The following PRR14 variants were observed in gnomAD, a reference collection of about 807,000 sequenced individuals.
PRR14 encodes proline rich 14.
Under a neutral mutation model 57.2 loss-of-function variants are expected in PRR14, and 33 were observed. That is an observed-to-expected ratio of 0.58 (90% CI 0.44 to 0.77). The LOEUF is 0.77. PRR14 is among the 30% of genes least tolerant of loss of function. The probability of loss-of-function intolerance (pLI) is 0.00; values close to 1 mark genes in which losing one functional copy is unlikely to be tolerated. For missense variants in PRR14, 716 were observed against 788.1 expected (o/e 0.91, Z 1.10); for synonymous variants, 303 against 314.7 (o/e 0.96, Z 0.39).
In PRR14 at chr16:30,652,919, C is replaced by T. The variant is rs1378678654; in HGVS notation, c.320C>T (p.Pro107Leu). 4.3e-6 allele frequency: 7 copies of T among 1,613,906 alleles called. No homozygotes were observed. In the East Asian group the frequency reaches 1.6e-4, roughly 36 times the overall value. The change falls in exon 5 of 12, where the codon CCC becomes CTC. Residue 107 changes from proline to leucine, a missense_variant. Physicochemically the swap from Pro to Leu is moderately conservative, Grantham distance 98 (BLOSUM62 -3). Coordinates refer to ENST00000300835, the MANE Select transcript of PRR14 (RefSeq NM_024031.5). ...TCTTCCTGTTCCCTCGCTAGGCCTCCCGACCCTCTGTGTTTGTGTCGCGAG... is the reference window on the plus strand; with the variant it reads ...TCTTCCTGTTCCCTCGCTAGGCCTCTCGACCCTCTGTGTTTGTGTCGCGAG... ...QAGWSSQARP[P>L]DPLCLCREPL... is the part of the protein sequence containing the mutation.
At position 30,651,678 on chromosome 16, in the gene PRR14, T is replaced by C. The variant is rs566807070; in HGVS notation, c.23+10T>C. ...TGCCCGGGGACTCCAGGTGAGAGCG[T>C]ACCCGGGCGGCCCGCCTGTCTTGAC... On this transcript the variant is annotated intron_variant, in intron 2 of 11. Coordinates refer to ENST00000300835, the MANE Select transcript of PRR14 (RefSeq NM_024031.5). The surrounding 1 kb of genome is among the most constrained non-coding windows in gnomAD (Gnocchi z 5.0). 1 of 1,605,282 alleles carries C rather than the reference T, an allele frequency of 6.2e-7. No homozygotes were observed. Among genetic ancestry groups the C allele is most frequent in the South Asian group, 1.1e-5 (1 of 90,928 alleles).
At chr16:30,653,485 G>A (rs1364482466) in intron 6 of PRR14, 77 bp downstream of exon 6, 44 of 1,403,304 alleles carry the variant, frequency 3.1e-5, no homozygotes, top group African/African-American at 7.1e-5. Flanking sequence ...TAGGGGCATC[G>A]GGACTGACTG....
intron 3 of PRR14, chr16:30,652,178 G>A (rs1389120811): frequency 1.4e-5 from 9 of 640,440 alleles, no homozygotes; most frequent in Non-Finnish European, 1.7e-5. Flanking sequence ...ACGATTTTGG[G>A]CTGGAACCAC....
chr16:30,654,019 C>T, intron 6 of PRR14: 1 of 564,500 alleles, frequency 1.8e-6, no homozygotes, highest in South Asian at 2.2e-5. Flanking sequence ...GTTCTAGCCA[C>T]TTGGGAGGCT....
Position 30,655,343 on chromosome 16 carries a change from C to T in PRR14, c.1245-8C>T, listed in dbSNP as rs2052359439. The T allele has an allele frequency of 6.2e-7, 1 of 1,613,848 alleles. No individual in the cohort carries two copies. Among genetic ancestry groups the T allele is most frequent in the African/African-American group, 1.3e-5 (1 of 74,928 alleles). ...CTGTTTGTCCCTGAGCCTTGACCTT[C>T]TTGGCAGGTTGGGTTCAACCAAAGG... On this transcript the variant is annotated splice_region_variant and splice_polypyrimidine_tract_variant and intron_variant, in intron 8 of 11. Coordinates refer to ENST00000300835, the MANE Select transcript of PRR14 (RefSeq NM_024031.5). The surrounding 1 kb of genome is among the most constrained non-coding windows in gnomAD (Gnocchi z 4.6).
intron 5 of PRR14, 118 bp from the exon 6 acceptor site, chr16:30,653,247 T>C: frequency 7.2e-7 from 1 of 1,393,564 alleles, no homozygotes; most frequent in South Asian, 1.2e-5. Context: ...GAGCAAAGAC[T>C]ATATAAAAAC....
chr16:30,654,128 CAAAAAA>C, intron 6 of PRR14, 96 bp from the exon 7 acceptor site: 1 of 676,944 alleles, frequency 1.5e-6, no homozygotes, highest in Non-Finnish European at 2.5e-6. Context: ...GGCTCTGTCT[CAAAAAA>C]AAAAAAAAAG....
Position 30,652,788 on chromosome 16 carries a change from A to G in PRR14, c.260A>G (p.His87Arg). 1 of 1,613,920 alleles carries G rather than the reference A, an allele frequency of 6.2e-7. No homozygotes were observed. Among genetic ancestry groups the G allele is most frequent in the Non-Finnish European group, 8.5e-7 (1 of 1,179,986 alleles). ...QHHSYHQDPV[H>R]RQPPASPPRQ... is the part of the protein sequence containing the mutation. ...CACAGCTACCATCAGGATCCTGTCC[A>G]CAGGCAGCCGCCTGCCTCGCCACCC... is the stretch of plus-strand genomic sequence containing the variant. Residue 87 changes from histidine (H) to arginine (R), a missense_variant, in exon 4 of 12, where the codon CAC becomes CGC. By Grantham distance (29) the His-to-Arg change is conservative. Transcript: ENST00000300835.
intron 6 of PRR14, among the ~76,000 whole-genome samples, chr16:30,653,692 G>C (rs2052336209): frequency 6.6e-6 from 1 of 152,158 alleles, no homozygotes; most frequent in Non-Finnish European, 1.5e-5. Flanking sequence ...TTGAGATGGA[G>C]TTTTTGCTCT....
At chr16:30,653,539 G>C in intron 6 of PRR14, 131 bp downstream of exon 6, 1 of 958,198 alleles carries the variant, frequency 1.0e-6, no homozygotes, top group Admixed American at 2.1e-5. Context: ...TTAAGGGGCC[G>C]GGCACGCCCA....
rs374909666 is a variant in PRR14 at position 30,654,762 on chromosome 16, C to T, written c.792C>T (p.Phe264=). 98 of 1,613,184 alleles carry T rather than the reference C, an allele frequency of 6.1e-5. No homozygotes were observed. Among genetic ancestry groups the T allele is most frequent in the African/African-American group, 2.7e-5 (2 of 74,916 alleles). ...RSKLESFADI[F]LTPNKTPQPP... is the part of the protein sequence containing the mutation. ...AGCTGGAGAGCTTTGCTGACATCTT[C>T]CTCACGCCCAACAAAACCCCACAGC... The change falls in exon 8 of 12, where the codon TTC becomes TTT. Residue 264 remains phenylalanine, a synonymous_variant. Coordinates refer to ENST00000300835, the MANE Select transcript of PRR14 (RefSeq NM_024031.5).
At position 30,652,741 on chromosome 16, in the gene PRR14, G is replaced by A. The variant is rs201446828; in HGVS notation, c.213G>A (p.Lys71=). ...TCCAGGTCCCCGTGGTGCCCTCAAA[G>A]CAGACCTCCATACCACAGCACCACA... ...AVHMVPVVPS[K]QTSIPQHHSY... is the part of the protein sequence containing the mutation. The change falls in exon 4 of 12, where the codon AAG becomes AAA. Residue 71 remains lysine (K), a synonymous_variant. Transcript: ENST00000300835. 89 of 1,614,156 alleles carry A rather than the reference G, an allele frequency of 5.5e-5. 1 individual carries two copies. The East Asian group carries it at 1.9e-3, about 35-fold the overall frequency.
chr16:30,650,913 G>A (rs1344633775), upstream of PRR14: 1 of 429,984 alleles, frequency 2.3e-6, no homozygotes, highest in Non-Finnish European at 4.8e-6. Flanking sequence ...GGAGACCGCT[G>A]GGCGGGGACG....
At chr16:30,652,361 G>A (rs1001462760) in intron 3 of PRR14, 12 of 571,478 alleles carry the variant, frequency 2.1e-5, no homozygotes, top group African/African-American at 7.4e-5. Flanking sequence ...GCGCTGGGCC[G>A]AAACTCTTCT....
Position 30,651,771 on chromosome 16 carries a change from G to T in PRR14, c.24-25G>T. ...GAGCCAGCGACAGGTTCGGGCGACC[G>T]TCCTCTGCTTCTTTCACCCTCCAGC... On this transcript the variant is annotated intron_variant, in intron 2 of 11. Coordinates refer to ENST00000300835, the MANE Select transcript of PRR14 (RefSeq NM_024031.5). This position sits in a 1 kb window ranked among gnomAD's most constrained non-coding sequence, Gnocchi z 5.0. 1 of 1,608,370 alleles carries T rather than the reference G, an allele frequency of 6.2e-7. No homozygotes were observed.
Position 30,655,972 on chromosome 16 carries a change from G to C in PRR14, c.1478+33G>C. ...ACTTGGAAGGCTAGAGGGTGGCAGA[G>C]GGAAATCTGGAGCTGTGGAGCACCC... On this transcript the variant is annotated intron_variant, in intron 11 of 11. Transcript: ENST00000300835. The surrounding 1 kb of genome is among the most constrained non-coding windows in gnomAD (Gnocchi z 4.6). 6.2e-7 allele frequency: 1 copy of C among 1,610,802 alleles called. No homozygotes were observed. The highest frequency in any genetic ancestry group is 1.1e-5 in the South Asian group (1 of 90,650).
In PRR14 at chr16:30,654,793, C is replaced by T. The variant is rs376677041; in HGVS notation, c.823C>T (p.Pro275Ser). Residue 275 changes from proline to serine, a missense_variant, in exon 8 of 12, where the codon CCC becomes TCC. Transcript: ENST00000300835. ...LTPNKTPQPP[P>S]PSPPMKLELK... is the part of the protein sequence containing the mutation. ...GCCCAACAAAACCCCACAGCCCCCA[C>T]CCCCGTCCCCCCCAATGAAGCTGGA... 1.9e-6 allele frequency: 3 copies of T among 1,592,116 alleles called. No individual in the cohort carries two copies. The highest frequency in any genetic ancestry group is 1.4e-5 in the African/African-American group (1 of 72,312).
chr16:30,654,923 A>G lies in PRR14; in HGVS notation c.953A>G (p.Asn318Ser), dbSNP rs771755566. The change falls in exon 8 of 12, where the codon AAT becomes AGT. Residue 318 changes from asparagine to serine, a missense_variant. Physicochemically the swap from Asn to Ser is conservative, Grantham distance 46. Coordinates refer to ENST00000300835, the MANE Select transcript of PRR14 (RefSeq NM_024031.5). ...CGCCAGTGGCGAACTCAGGACCACA[A>G]TACCCCAGCACTTCTCCCTAAGCCC... ...PIRQWRTQDH[N>S]TPALLPKPSL... The G allele has an allele frequency of 3.1e-6, 5 of 1,613,218 alleles. No individual in the cohort carries two copies. Among genetic ancestry groups the G allele is most frequent in the East Asian group, 4.5e-5 (2 of 44,868 alleles).
rs1363391279 is a variant in PRR14 at position 30,651,755 on chromosome 16, A to G, written c.24-41A>G. 1.2e-6 allele frequency: 2 copies of G among 1,610,284 alleles called. No homozygotes were observed. The highest frequency in any genetic ancestry group is 3.3e-5 in the Admixed American group (2 of 60,014). Reference sequence around the variant, plus strand: ...GTGCCGGGAAACTACAGAGCCAGCGACAGGTTCGGGCGACCGTCCTCTGCT... The same window carrying G: ...GTGCCGGGAAACTACAGAGCCAGCGGCAGGTTCGGGCGACCGTCCTCTGCT... On this transcript the variant is annotated intron_variant, in intron 2 of 11. Transcript: ENST00000300835. This position sits in a 1 kb window ranked among gnomAD's most constrained non-coding sequence, Gnocchi z 5.0.
Sources: allele counts gnomAD v4.1 joint callset (sites outside exome capture counted in the v4.1 genomes callset), GRCh38; gene constraint gnomAD v4.1.1; non-coding constraint Gnocchi (gnomAD v3.1); transcripts MANE v1.5; gene names NCBI Gene and HGNC (gene_info 2026-07-23, HGNC 2026-07-21).